OSBPL10: variants seen among roughly 807,000 people sequenced by gnomAD.
OSBPL10 encodes the protein oxysterol binding protein like 10.
In OSBPL10, 49 loss-of-function variants were observed where a neutral mutation model predicts 81.7. The observed-to-expected ratio is 0.60, with a 90% CI of 0.48 to 0.76. The LOEUF (loss-of-function observed/expected upper bound fraction) is 0.76, where lower values mean the gene tolerates loss of function less well. OSBPL10 is among the 30% of genes least tolerant of loss of function. The pLI is 0.00. For synonymous variants in OSBPL10, 419 were observed against 383.6 expected (o/e 1.09, Z -1.08); for missense variants, 923 against 987.8 (o/e 0.93, Z 0.88).
chr3:32,013,138 T>C (rs1415269664), intron 2 of OSBPL10, among the ~76,000 whole-genome samples: 1 of 152,150 alleles, frequency 6.6e-6, no homozygotes, highest in Non-Finnish European at 1.5e-5. Flanking sequence ...CAACAGAATA[T>C]ACATTCTTCT....
At chr3:31,914,222 CTTCCT>C (rs576756191) in intron 1 of OSBPL10, among the ~76,000 whole-genome samples, 145 of 152,152 alleles carry the variant, frequency 9.5e-4, no homozygotes, top group African/African-American at 3.3e-3. Flanking sequence ...CACCCAGCCT[CTTCCT>C]TTCATTTTTA....
At chr3:31,844,528 T>C (rs1394375726) in intron 3 of OSBPL10, among the ~76,000 whole-genome samples, 1 of 152,154 alleles carries the variant, frequency 6.6e-6, no homozygotes, top group Non-Finnish European at 1.5e-5. Flanking sequence ...AACATTATGA[T>C]AAAGAATAAG....
intron 4 of OSBPL10, among the ~76,000 whole-genome samples, chr3:31,774,812 G>GA (rs1373594853): frequency 6.0e-5 from 9 of 150,840 alleles, no homozygotes; most frequent in African/African-American, 2.2e-4. Context: ...CTCCTGGCCA[G>GA]AAGTCCTCTT....
intron 3 of OSBPL10, among the ~76,000 whole-genome samples, chr3:31,839,412 T>C (rs747428209): frequency 6.6e-6 from 1 of 152,090 alleles, no homozygotes; most frequent in Non-Finnish European, 1.5e-5. Context: ...AAAACAAATA[T>C]TCCTGTCCTC....
intron 4 of OSBPL10, among the ~76,000 whole-genome samples, chr3:31,798,998 ACTG>A (rs1699307243): frequency 6.6e-6 from 1 of 152,162 alleles, no homozygotes; most frequent in South Asian, 2.1e-4. Flanking sequence ...CTCAGGCAGT[ACTG>A]CTGATTCACC....
chr3:31,810,005 G>A (rs1377741266), intron 4 of OSBPL10, among the ~76,000 whole-genome samples: 2 of 151,462 alleles, frequency 1.3e-5, no homozygotes, highest in African/African-American at 4.9e-5. Context: ...CCGAGTAGCT[G>A]GGATTACAGG....
intron 4 of OSBPL10, among the ~76,000 whole-genome samples, chr3:31,755,149 G>A (rs1344003): frequency 0.24 from 36,990 of 152,086 alleles, 5,479 homozygotes; most frequent in Middle Eastern, 0.36. Context: ...CCTCTGACTG[G>A]TGCCTCTAGT....
At chr3:31,948,998 G>C (rs1697784132) in intron 1 of OSBPL10, among the ~76,000 whole-genome samples, 1 of 152,140 alleles carries the variant, frequency 6.6e-6, no homozygotes, top group Admixed American at 6.5e-5. Flanking sequence ...AGGTGCCAGA[G>C]AAATTCCTTA....
At chr3:31,965,606 A>T (rs539816716) in intron 1 of OSBPL10, among the ~76,000 whole-genome samples, 1 of 66,552 alleles carries the variant, frequency 1.5e-5, no homozygotes, top group African/African-American at 6.1e-5. Context: ...ATTATATAAT[A>T]TATTATATAA....
intron 1 of OSBPL10, among the ~76,000 whole-genome samples, chr3:31,956,365 G>C (rs1698006897): frequency 6.6e-6 from 1 of 152,176 alleles, no homozygotes; most frequent in Non-Finnish European, 1.5e-5. Context: ...TCCCAGAAAA[G>C]CAAACTGAGC....
intron 5 of OSBPL10, among the ~76,000 whole-genome samples, chr3:31,733,728 T>A (rs1697054757): frequency 6.8e-6 from 1 of 147,126 alleles, no homozygotes; most frequent in South Asian, 2.2e-4. Context: ...TTAAAAATAT[T>A]TCTGGCCAGG....
Position 31,702,442 on chromosome 3 carries a change from T to C in OSBPL10, c.1162A>G (p.Thr388Ala). Reference sequence around the variant, plus strand: ...TGATCCTCCATGACGCCCAATTCCGTCTCTTCCTTATCTTCATTGTCACTT... The same window carrying C: ...TGATCCTCCATGACGCCCAATTCCGCCTCTTCCTTATCTTCATTGTCACTT... ...EKSDNEDKEE[T>A]ELGVMEDQRS... The change falls in exon 7 of 12, where the codon ACG becomes GCG. Residue 388 changes from threonine (T) to alanine (A), a missense_variant. Coordinates refer to ENST00000396556, the MANE Select transcript of OSBPL10 (RefSeq NM_017784.5). 1 of 1,614,154 alleles carries C rather than the reference T, an allele frequency of 6.2e-7. No homozygotes were observed. The highest frequency in any genetic ancestry group is 1.3e-5 in the African/African-American group (1 of 75,042).
chr3:31,746,467 T>C (rs1697523083), intron 5 of OSBPL10, among the ~76,000 whole-genome samples: 1 of 151,786 alleles, frequency 6.6e-6, no homozygotes, highest in Non-Finnish European at 1.5e-5. Flanking sequence ...TCACCTGAGG[T>C]TGGGAGTTCA....
At chr3:31,941,596 T>C (rs1697537800) in intron 1 of OSBPL10, among the ~76,000 whole-genome samples, 1 of 152,198 alleles carries the variant, frequency 6.6e-6, no homozygotes, top group Non-Finnish European at 1.5e-5. Flanking sequence ...ACTGCCAAGA[T>C]CCCTGCTGAC....
chr3:31,980,499 T>G (rs1464347517), intron 1 of OSBPL10, among the ~76,000 whole-genome samples: 2 of 152,162 alleles, frequency 1.3e-5, no homozygotes, highest in Admixed American at 6.5e-5. Flanking sequence ...TGCTAACGCT[T>G]TTTCACCCCG....
intron 1 of OSBPL10, among the ~76,000 whole-genome samples, chr3:31,901,953 C>T (rs758843828): frequency 1.3e-5 from 2 of 152,090 alleles, no homozygotes; most frequent in African/African-American, 4.8e-5. Context: ...CTACTTTAAC[C>T]TAGGAGGCAG....
At chr3:31,742,496 T>C (rs1559443922) in intron 5 of OSBPL10, among the ~76,000 whole-genome samples, 1 of 152,222 alleles carries the variant, frequency 6.6e-6, no homozygotes, top group Non-Finnish European at 1.5e-5. Context: ...TTGTCCCCAT[T>C]TGTGTTCACG....
chr3:31,859,078 A>C (rs934523436), intron 3 of OSBPL10, among the ~76,000 whole-genome samples: 5 of 152,236 alleles, frequency 3.3e-5, no homozygotes, highest in African/African-American at 1.2e-4. Flanking sequence ...ACTGAGGCTA[A>C]GAGACATTAC....
At chr3:31,785,873 T>C (rs1698849115) in intron 4 of OSBPL10, among the ~76,000 whole-genome samples, 2 of 152,204 alleles carry the variant, frequency 1.3e-5, no homozygotes, top group Admixed American at 1.3e-4. Context: ...TTTAGGATTC[T>C]GGGAGACTCA....
Sources: allele counts gnomAD v4.1 joint callset (sites outside exome capture counted in the v4.1 genomes callset), GRCh38; gene constraint gnomAD v4.1.1; transcripts MANE v1.5; gene names NCBI Gene and HGNC (gene_info 2026-07-23, HGNC 2026-07-21).